The following OPCML variants were observed in gnomAD, a reference collection of about 807,000 sequenced individuals.
The protein encoded by OPCML is opioid binding protein/cell adhesion molecule like, also known as opioid-binding protein/cell adhesion molecule.
A neutral mutation model predicts 37.8 loss-of-function variants in OPCML; 13 were observed. The ratio of observed to expected loss-of-function variants is 0.34; its 90% CI spans 0.22 to 0.55. The LOEUF is 0.55. Among genes scored for constraint, OPCML ranks in the 20% least tolerant of loss-of-function variants. The pLI is 0.91. For missense variants in OPCML, 341 were observed against 435.6 expected, an observed-to-expected ratio of 0.78 and a Z score of 1.93; for synonymous variants, 176 against 168.8, an observed-to-expected ratio of 1.04 and a Z score of -0.33.
At chr11:132,935,095 C>T (rs1243569697) in intron 2 of OPCML, among the ~76,000 whole-genome samples, 1 of 150,118 alleles carries the variant, frequency 6.7e-6, no homozygotes, top group Non-Finnish European at 1.5e-5. Flanking sequence ...GCCAAGATCG[C>T]ACCATTGCAC....
intron 1 of OPCML, among the ~76,000 whole-genome samples, chr11:133,494,034 C>T (rs1947725516): frequency 6.6e-6 from 1 of 151,866 alleles, no homozygotes; most frequent in South Asian, 2.1e-4. Flanking sequence ...ACACACAACC[C>T]CATCAAAAAG....
chr11:133,351,154 C>A (rs925871942), intron 1 of OPCML, among the ~76,000 whole-genome samples: 4 of 152,236 alleles, frequency 2.6e-5, no homozygotes, highest in African/African-American at 9.6e-5. Context: ...ATTTTAGGAA[C>A]AGCAAATGGC....
rs1655061652 is a variant in OPCML, at chr11:133,141,778, T to G, written c.62-198768A>C. Among the ~76,000 whole-genome samples, 5 of 152,342 alleles carry G rather than the reference T, an allele frequency of 3.3e-5. No homozygotes were observed. In the South Asian group the frequency reaches 1.0e-3, roughly 32 times the overall value. On this transcript the variant is annotated intron_variant, in intron 1 of 7. Coordinates refer to ENST00000524381, the MANE Select transcript of OPCML (RefSeq NM_001012393.5). Reference sequence around the variant, plus strand: ...ACTCAAATGTTTCCCCCTAATTTCCTTAACAATACTATTTAACCATCCAGG... The same window carrying G: ...ACTCAAATGTTTCCCCCTAATTTCCGTAACAATACTATTTAACCATCCAGG...
intron 1 of OPCML, among the ~76,000 whole-genome samples, chr11:132,976,625 G>T (rs1305139691): frequency 6.6e-6 from 1 of 152,168 alleles, no homozygotes; most frequent in Non-Finnish European, 1.5e-5. Flanking sequence ...ATTTAATGCA[G>T]CTGCTAGAAA....
At chr11:133,018,005 G>T (rs1186223650) in intron 1 of OPCML, among the ~76,000 whole-genome samples, 1 of 152,182 alleles carries the variant, frequency 6.6e-6, no homozygotes, top group African/African-American at 2.4e-5. Context: ...GGGAGCATGG[G>T]ATCAGCCCTT....
chr11:132,704,502 T>A (rs1161503733), intron 2 of OPCML, among the ~76,000 whole-genome samples: 1 of 152,160 alleles, frequency 6.6e-6, no homozygotes, highest in Non-Finnish European at 1.5e-5. Context: ...AAAAAATGCC[T>A]TTGAGGGGAA....
rs1373735773 is a variant in OPCML at position 133,060,829 on chromosome 11, G to A, written c.62-117819C>T. On this transcript the variant is annotated intron_variant, in intron 1 of 7. Coordinates refer to ENST00000524381, the MANE Select transcript of OPCML (RefSeq NM_001012393.5). ...AGCTGGCTGCATGCAGAGATGACAG[G>A]CTCACCAAACCCTACGTGGGCATCA... is the stretch of plus-strand genomic sequence containing the variant. Among the ~76,000 whole-genome samples the A allele has an allele frequency of 2.0e-5, 3 of 152,212 alleles. No homozygotes were observed. The East Asian group carries it at 5.8e-4, about 29-fold the overall frequency.
At chr11:132,495,215 G>T (rs1378800048) in intron 4 of OPCML, among the ~76,000 whole-genome samples, 1 of 152,248 alleles carries the variant, frequency 6.6e-6, no homozygotes. Context: ...TTAGGACTCT[G>T]TCTCTGACTT....
chr11:132,668,594 A>G (rs1275109015), intron 2 of OPCML, among the ~76,000 whole-genome samples: 1 of 152,186 alleles, frequency 6.6e-6, no homozygotes, highest in African/African-American at 2.4e-5. Context: ...CCTCATCTGG[A>G]CAAATATAAT....
At chr11:133,231,164 G>C (rs544936167) in intron 1 of OPCML, among the ~76,000 whole-genome samples, 10 of 152,204 alleles carry the variant, frequency 6.6e-5, no homozygotes, top group Non-Finnish European at 1.2e-4. Context: ...TTCAAATGGA[G>C]ATTTCATTGA....
At chr11:132,692,298 A>T (rs1284050179) in intron 2 of OPCML, among the ~76,000 whole-genome samples, 1 of 152,134 alleles carries the variant, frequency 6.6e-6, no homozygotes, top group Non-Finnish European at 1.5e-5. Flanking sequence ...TCCAGCACTA[A>T]ATTCACTCCA....
At chr11:133,169,954 C>T (rs1033581468) in intron 1 of OPCML, among the ~76,000 whole-genome samples, 27 of 151,936 alleles carry the variant, frequency 1.8e-4, no homozygotes, top group Non-Finnish European at 8.8e-5. Context: ...TGAAGAAGAT[C>T]AAAGAACATT....
At chr11:132,466,109 C>T (rs894342700) in intron 4 of OPCML, among the ~76,000 whole-genome samples, 4 of 152,176 alleles carry the variant, frequency 2.6e-5, no homozygotes, top group Non-Finnish European at 5.9e-5. Flanking sequence ...CCCTTTCAGA[C>T]TCATGTGGAA....
intron 1 of OPCML, among the ~76,000 whole-genome samples, chr11:133,167,588 CT>C (rs1199493234): frequency 1.3e-5 from 2 of 151,218 alleles, no homozygotes; most frequent in African/African-American, 4.9e-5. Context: ...GAAATCTCAG[CT>C]CAATATCAGG....
intron 1 of OPCML, among the ~76,000 whole-genome samples, chr11:132,973,829 A>T (rs908222003): frequency 6.6e-6 from 1 of 152,170 alleles, no homozygotes; most frequent in Non-Finnish European, 1.5e-5. Flanking sequence ...GCAGATGATC[A>T]TCTTCTACTT....
chr11:132,467,302 T>C (rs1398477254), intron 4 of OPCML, among the ~76,000 whole-genome samples: 2 of 152,226 alleles, frequency 1.3e-5, no homozygotes, highest in African/African-American at 4.8e-5. Context: ...AGAGTTCCCG[T>C]CACCTGAGAG....
Position 132,644,374 on chromosome 11 carries a change from C to T in OPCML, c.379+12713G>A, listed in dbSNP as rs371711045. Reference sequence around the variant, plus strand: ...CTAACAAAAACCCAGTAATAAAACTCGGACTCCCAGGGGACGCATGGCTCG... The same window carrying T: ...CTAACAAAAACCCAGTAATAAAACTTGGACTCCCAGGGGACGCATGGCTCG... On this transcript the variant is annotated intron_variant, in intron 3 of 7. Transcript: ENST00000524381. Among the ~76,000 whole-genome samples the T allele has an allele frequency of 2.5e-3, 380 of 152,104 alleles. 3 individuals are homozygous for T. The highest frequency in any genetic ancestry group is 8.5e-3 in the African/African-American group (352 of 41,480).
chr11:132,426,675 A>C (rs1312413030), intron 7 of OPCML, among the ~76,000 whole-genome samples: 7 of 151,932 alleles, frequency 4.6e-5, no homozygotes, highest in Non-Finnish European at 1.5e-5. Flanking sequence ...CAAGTGACCC[A>C]CTCGCCTCGG....
At chr11:132,696,125 G>T (rs1943590286) in intron 2 of OPCML, among the ~76,000 whole-genome samples, 1 of 152,128 alleles carries the variant, frequency 6.6e-6, no homozygotes, top group Non-Finnish European at 1.5e-5. Flanking sequence ...TAAATAAGCT[G>T]CCAAGGAATT....
Sources: gnomAD v4.1 joint callset for allele counts (sites outside exome capture counted in the v4.1 genomes callset) on GRCh38, gnomAD v4.1.1 for gene constraint, MANE v1.5 for transcripts, NCBI Gene and HGNC (gene_info 2026-07-23, HGNC 2026-07-21) for gene names.